The following NALCN variants were observed in gnomAD, a reference collection of about 807,000 sequenced individuals.
NALCN encodes sodium leak channel, non-selective.
NALCN carries 111 observed loss-of-function variants against 225.3 expected under a neutral mutation model. The ratio of observed to expected loss-of-function variants is 0.49; its 90% CI spans 0.42 to 0.58. The LOEUF (loss-of-function observed/expected upper bound fraction) is 0.58. Among genes scored for constraint, NALCN ranks in the 20% least tolerant of loss-of-function variants. NALCN has a pLI of 0.00. For synonymous variants in NALCN, 764 were observed against 769.0 expected (o/e 0.99, Z 0.11); for missense variants, 1,378 against 2,202.4 (o/e 0.63, Z 7.49).
At chr13:101,124,719 G>A (rs760702645) in intron 17 of NALCN, 38 bp from the exon 18 acceptor site, 20 of 1,526,500 alleles carry the variant, frequency 1.3e-5, no homozygotes, top group Non-Finnish European at 1.5e-5. Context: ...GTTTTGGAAT[G>A]TTAAGAAATA....
intron 1 of NALCN, among the ~76,000 whole-genome samples, chr13:101,407,525 T>C (rs2047658348): frequency 6.6e-6 from 1 of 152,242 alleles, no homozygotes; most frequent in Non-Finnish European, 1.5e-5. Context: ...TTAGACATTA[T>C]GTACTCATTT....
At chr13:101,067,773 C>T in intron 39 of NALCN, 145 bp downstream of exon 39, 1 of 663,666 alleles carries the variant, frequency 1.5e-6, no homozygotes. Context: ...GAGGATTCTG[C>T]TGAACTGTAA....
intron 13 of NALCN, among the ~76,000 whole-genome samples, chr13:101,208,291 C>T (rs1299286232): frequency 1.3e-5 from 2 of 152,192 alleles, no homozygotes; most frequent in Admixed American, 6.5e-5. Context: ...AGCTTCACTC[C>T]TGAGGCCAGC....
Position 101,137,763 on chromosome 13 carries a change from T to C in NALCN, c.2118+5317A>G, listed in dbSNP as rs537197669. On this transcript the variant is annotated intron_variant, in intron 17 of 43. Coordinates refer to ENST00000251127, the MANE Select transcript of NALCN (RefSeq NM_052867.4). ...AAAGTCTTTTGTCCTAACTGATGAA[T>C]AGAAATCTGTTTGCTGAGTCTGACT... Among the ~76,000 whole-genome samples the C allele has an allele frequency of 2.6e-5, 4 of 152,324 alleles. No homozygotes were observed. The East Asian group carries it at 7.7e-4, about 29-fold the overall frequency.
chr13:101,301,456 C>T (rs2043963919), intron 7 of NALCN, among the ~76,000 whole-genome samples: 1 of 152,186 alleles, frequency 6.6e-6, no homozygotes, highest in South Asian at 2.1e-4. Context: ...GGCGCAGTGG[C>T]TCATGCCTGT....
At chr13:101,100,738 C>A in intron 27 of NALCN, 46 bp downstream of exon 27, 1 of 1,511,216 alleles carries the variant, frequency 6.6e-7, no homozygotes, top group South Asian at 1.2e-5. Context: ...TGCCACCACA[C>A]TTGGCCCTTA....
At chr13:101,116,881 G>C in intron 18 of NALCN, 1 of 481,376 alleles carries the variant, frequency 2.1e-6, no homozygotes, top group South Asian at 1.5e-5. Flanking sequence ...GTATAACTAA[G>C]AGAATAGATA....
At chr13:101,094,271 G>A (rs892853859) in intron 28 of NALCN, among the ~76,000 whole-genome samples, 1 of 152,112 alleles carries the variant, frequency 6.6e-6, no homozygotes, top group Non-Finnish European at 1.5e-5. Flanking sequence ...ATGGTGATGA[G>A]CAGCCTGGCC....
intron 17 of NALCN, 167 bp downstream of exon 17, chr13:101,142,913 A>G (rs1367725905): frequency 1.0e-6 from 1 of 968,106 alleles, no homozygotes; most frequent in Admixed American, 2.3e-5. Flanking sequence ...ATTTCAATGC[A>G]TAGAGTAAAA....
chr13:101,192,775 C>A (rs970009750), intron 13 of NALCN, among the ~76,000 whole-genome samples: 1 of 152,164 alleles, frequency 6.6e-6, no homozygotes. Flanking sequence ...TAGTTTCATT[C>A]TTACATATTT....
intron 13 of NALCN, among the ~76,000 whole-genome samples, chr13:101,194,878 C>T (rs1009646066): frequency 1.3e-5 from 2 of 152,144 alleles, no homozygotes; most frequent in Non-Finnish European, 2.9e-5. Flanking sequence ...GTGATGGTCA[C>T]CTGTAATCCC....
rs1382293231 is a variant in NALCN, at chr13:101,124,597, A to G, written c.2192+11T>C. Reference sequence around the variant, plus strand: ...TGTGTTTAAATATGTGTCAACATTAATTGGTGTTACCTTAAGATTTTAGTG... The same window carrying G: ...TGTGTTTAAATATGTGTCAACATTAGTTGGTGTTACCTTAAGATTTTAGTG... On this transcript the variant is annotated intron_variant, in intron 18 of 43. Transcript: ENST00000251127. 1 of 1,608,630 alleles carries G rather than the reference A, an allele frequency of 6.2e-7. No individual in the cohort carries two copies. Among genetic ancestry groups the G allele is most frequent in the South Asian group, 1.1e-5 (1 of 89,980 alleles).
rs770894772 is a variant in NALCN at position 101,104,647 on chromosome 13, A to C, written c.2640T>G (p.Asp880Glu). ...VKNTKYHQLY[D>E]LLGLVTYLDW... ...CCAGGTAAGTGACCAATCCCAGCAA[A>C]TCACTGCCAAAGACCAAACAAAATT... Residue 880 changes from aspartate (D) to glutamate (E), a missense_variant, in exon 24 of 44, where the codon GAT (aspartate) becomes GAG (glutamate). Coordinates refer to ENST00000251127, the MANE Select transcript of NALCN (RefSeq NM_052867.4). The surrounding 1 kb of genome is among the most constrained non-coding windows in gnomAD (Gnocchi z 4.2). 6.2e-7 allele frequency: 1 copy of C among 1,613,878 alleles called. No individual in the cohort carries two copies. The highest frequency in any genetic ancestry group is 1.7e-5 in the Admixed American group (1 of 60,000).
At chr13:101,139,815 AAATG>A (rs2036980274) in intron 17 of NALCN, among the ~76,000 whole-genome samples, 1 of 152,234 alleles carries the variant, frequency 6.6e-6, no homozygotes, top group African/African-American at 2.4e-5. Context: ...TTCTTAATAA[AAATG>A]AAAAAGGCTT....
At chr13:101,178,611 T>A (rs1687349967) in intron 14 of NALCN, among the ~76,000 whole-genome samples, 2 of 152,188 alleles carry the variant, frequency 1.3e-5, no homozygotes, top group African/African-American at 4.8e-5. Flanking sequence ...AGTTTAGACA[T>A]CTGGCTCCAA....
At chr13:101,208,054 C>G (rs924141442) in intron 13 of NALCN, among the ~76,000 whole-genome samples, 7 of 152,000 alleles carry the variant, frequency 4.6e-5, no homozygotes, top group African/African-American at 1.5e-4. Flanking sequence ...GCCAGCAAGA[C>G]AACGAACCCA....
At chr13:101,070,067 T>C (rs996907396) in intron 37 of NALCN, among the ~76,000 whole-genome samples, 2 of 137,584 alleles carry the variant, frequency 1.5e-5, no homozygotes, top group African/African-American at 5.4e-5. Context: ...ATGAATGTTT[T>C]TTTTTTTTTT....
intron 13 of NALCN, among the ~76,000 whole-genome samples, chr13:101,210,056 G>C (rs1011393216): frequency 2.8e-4 from 43 of 152,128 alleles, no homozygotes; most frequent in Admixed American, 7.9e-4. Context: ...ATCTAAACTA[G>C]CTACTAAGGT....
Position 101,183,904 on chromosome 13 carries a change from GT to G in NALCN, c.1765-7531del, listed in dbSNP as rs201588617. Among the ~76,000 whole-genome samples the G allele has an allele frequency of 6.8e-3, 1,029 of 152,182 alleles. 7 individuals are homozygous for G. The highest frequency in any genetic ancestry group is 0.011 in the Non-Finnish European group (736 of 68,022). On this transcript the variant is annotated intron_variant, in intron 14 of 43. Transcript: ENST00000251127. ...ACATGTATGCTTTCAACACAGTGGT[GT>G]TTAGTTTGTACAATGCTGTAAAAAA...
Sources: allele counts gnomAD v4.1 joint callset (sites outside exome capture counted in the v4.1 genomes callset), GRCh38; gene constraint gnomAD v4.1.1; non-coding constraint Gnocchi (gnomAD v3.1); transcripts MANE v1.5; gene names NCBI Gene and HGNC (gene_info 2026-07-23, HGNC 2026-07-21).